Variants in ZPBP observed in about 807,000 individuals in gnomAD.
The protein encoded by ZPBP is zona pellucida binding protein, also known as zona pellucida-binding protein 1.
In ZPBP, 26 loss-of-function variants were observed where a neutral mutation model predicts 44.8. That is an observed-to-expected ratio of 0.58 (90% CI 0.43 to 0.81). ZPBP has a LOEUF of 0.81. ZPBP is among the 30% of genes least tolerant of loss of function. The pLI, the probability that ZPBP is intolerant of heterozygous loss-of-function variation, is 0.00. For missense variants in ZPBP, 409 were observed against 434.0 expected (o/e 0.94, Z 0.51); for synonymous variants, 174 against 153.2 (o/e 1.14, Z -1.00).
downstream of ZPBP, among the ~76,000 whole-genome samples, chr7:49,845,801 T>C (rs144334605): frequency 5.3e-4 from 81 of 152,216 alleles, no homozygotes; most frequent in Middle Eastern, 3.4e-3. Context: ...GCCACAGATA[T>C]AGAACCTTGT....
At chr7:49,863,089 G>T (rs1211045362) in intron 2 of ZPBP, among the ~76,000 whole-genome samples, 2 of 152,098 alleles carry the variant, frequency 1.3e-5, no homozygotes, top group Non-Finnish European at 2.9e-5. Context: ...GAAACCATCT[G>T]GTCCTGAACT....
intron 4 of ZPBP, among the ~76,000 whole-genome samples, chr7:50,038,983 C>A (rs1799948517): frequency 6.6e-6 from 1 of 152,090 alleles, no homozygotes; most frequent in Non-Finnish European, 1.5e-5. Context: ...GAATATATCC[C>A]CATCATTAAG....
At chr7:50,056,156 T>C (rs1402762126) in intron 4 of ZPBP, 1 of 152,180 alleles carries the variant, frequency 6.6e-6, no homozygotes, top group African/African-American at 2.4e-5. Context: ...ACCACAAACC[T>C]AATGTTCTAA....
At chr7:49,855,602 G>GT (rs1364415186) in intron 2 of ZPBP, among the ~76,000 whole-genome samples, 1 of 152,224 alleles carries the variant, frequency 6.6e-6, no homozygotes. Context: ...GTCCCTTTAA[G>GT]TCAGGACAGG....
chr7:49,945,068 A>G (rs573952240), intron 7 of ZPBP, among the ~76,000 whole-genome samples: 12 of 152,276 alleles, frequency 7.9e-5, no homozygotes, highest in African/African-American at 2.9e-4. Context: ...GTTTCAAGAC[A>G]TTTTAAAATT....
chr7:50,008,483 G>A (rs767023462), intron 6 of ZPBP, among the ~76,000 whole-genome samples: 3 of 151,878 alleles, frequency 2.0e-5, no homozygotes, highest in Non-Finnish European at 2.9e-5. Flanking sequence ...CTATCAAAAT[G>A]CCAATGCCAT....
intron 6 of ZPBP, among the ~76,000 whole-genome samples, chr7:50,009,055 G>A (rs1393251773): frequency 6.6e-6 from 1 of 151,978 alleles, no homozygotes; most frequent in East Asian, 1.9e-4. Flanking sequence ...CCATCATGGT[G>A]AAACCAAGTC....
intron 1 of ZPBP, among the ~76,000 whole-genome samples, chr7:49,904,084 G>C (rs993114578): frequency 2.0e-5 from 3 of 152,136 alleles, no homozygotes; most frequent in Non-Finnish European, 4.4e-5. Flanking sequence ...CACATGGCTG[G>C]CAGAGAAGGG....
chr7:49,985,415 C>G (rs1797218665), intron 6 of ZPBP, among the ~76,000 whole-genome samples: 1 of 151,992 alleles, frequency 6.6e-6, no homozygotes, highest in African/African-American at 2.4e-5. Context: ...TTCCAGAAGC[C>G]TATTGATGAA....
At chr7:49,923,343 A>G (rs1008388004) in intron 1 of ZPBP, among the ~76,000 whole-genome samples, 57 of 152,228 alleles carry the variant, frequency 3.7e-4, no homozygotes, top group African/African-American at 1.2e-3. Context: ...GACAATTGTG[A>G]ATGTTTGATG....
At chr7:49,923,429 AAAG>A (rs1174987645) in intron 1 of ZPBP, among the ~76,000 whole-genome samples, 2 of 152,218 alleles carry the variant, frequency 1.3e-5, no homozygotes, top group Admixed American at 6.5e-5. Context: ...TGCTGAATGA[AAAG>A]AACTGCCAAT....
At chr7:49,881,119 C>T (rs1029783337) in intron 2 of ZPBP, among the ~76,000 whole-genome samples, 2 of 152,138 alleles carry the variant, frequency 1.3e-5, no homozygotes, top group Non-Finnish European at 2.9e-5. Context: ...GCCTGAGAGG[C>T]CAGGTTTGCG....
chr7:49,870,214 G>T (rs1791087037), intron 2 of ZPBP, among the ~76,000 whole-genome samples: 1 of 152,048 alleles, frequency 6.6e-6, no homozygotes, highest in Non-Finnish European at 1.5e-5. Flanking sequence ...TCCTGGCTAA[G>T]ACAGTGAAAC....
chr7:49,976,995 G>C (rs992439739), intron 7 of ZPBP, among the ~76,000 whole-genome samples: 1 of 151,834 alleles, frequency 6.6e-6, no homozygotes, highest in Non-Finnish European at 1.5e-5. Context: ...CCAGCTGCTC[G>C]GGCGCCTGAG....
chr7:50,090,184 G>C (rs1802880045), intron 1 of ZPBP, among the ~76,000 whole-genome samples: 1 of 151,860 alleles, frequency 6.6e-6, no homozygotes, highest in Non-Finnish European at 1.5e-5. Flanking sequence ...TTGAGATTTT[G>C]GTATACCCAT....
chr7:49,893,631 A>T (rs1005521773), intron 2 of ZPBP, among the ~76,000 whole-genome samples: 11 of 108,184 alleles, frequency 1.0e-4, no homozygotes, highest in African/African-American at 3.8e-4. Flanking sequence ...ATCTTAGGAA[A>T]CCAGTTTTTT....
At chr7:49,887,714 G>A (rs1011014525) in intron 2 of ZPBP, among the ~76,000 whole-genome samples, 4 of 149,842 alleles carry the variant, frequency 2.7e-5, no homozygotes, top group Middle Eastern at 6.3e-3. Flanking sequence ...CAGCTCAAAT[G>A]CAAGTGTCTC....
intron 3 of ZPBP, among the ~76,000 whole-genome samples, chr7:50,066,728 G>A (rs765458356): frequency 5.3e-5 from 8 of 152,178 alleles, no homozygotes; most frequent in Admixed American, 1.3e-4. Flanking sequence ...CTTCAGCTGT[G>A]CATAGACTAG....
chr7:49,854,713 T>C (rs1790344474), intron 2 of ZPBP, among the ~76,000 whole-genome samples: 1 of 152,342 alleles, frequency 6.6e-6, no homozygotes, highest in East Asian at 1.9e-4. Context: ...AGCTCTTTAG[T>C]TTAATTAGAT....
Sources: gnomAD v4.1 joint callset for allele counts (sites outside exome capture counted in the v4.1 genomes callset) on GRCh38, gnomAD v4.1.1 for gene constraint, MANE v1.5 for transcripts, NCBI Gene and HGNC (gene_info 2026-07-23, HGNC 2026-07-21) for gene names.